The following AGBL1 variants were observed in gnomAD, a reference collection of about 807,000 sequenced individuals.
AGBL1 encodes cytosolic carboxypeptidase 4.
In AGBL1, 130 loss-of-function variants were observed where a neutral mutation model predicts 118.9. The ratio of observed to expected loss-of-function variants is 1.09; its 90% CI spans 0.95 to 1.26. AGBL1 has a LOEUF of 1.26. Ranked by LOEUF, AGBL1 falls within the 50% of genes most tolerant of loss-of-function variation. AGBL1 has a pLI of 0.00. For synonymous variants in AGBL1, 555 were observed against 478.9 expected, an observed-to-expected ratio of 1.16 and a Z score of -2.08; for missense variants, 1,584 against 1,298.1, an observed-to-expected ratio of 1.22 and a Z score of -3.38.
Position 86,198,668 on chromosome 15 carries a change from C to A in AGBL1, c.489-26246C>A, listed in dbSNP as rs537203040. Among the ~76,000 whole-genome samples, 181 of 152,092 alleles carry A rather than the reference C, an allele frequency of 1.2e-3. 1 individual carries two copies. The highest frequency in any genetic ancestry group is 0.01 in the Middle Eastern group (3 of 294). On this transcript the variant is annotated intron_variant, in intron 5 of 22. Transcript: ENST00000614907. ...TCATGAGAAGAGGAAGATTTTCTCT[C>A]TCTCTCTCTCTCTTTCTGTGTGTGT...
chr15:86,440,285 T>G (rs987437352), intron 18 of AGBL1, among the ~76,000 whole-genome samples: 1 of 152,024 alleles, frequency 6.6e-6, no homozygotes, highest in Non-Finnish European at 1.5e-5. Flanking sequence ...TAAAAGAATC[T>G]GCCCAACCAG....
chr15:86,891,894 A>G (rs191890459), intron 22 of AGBL1, among the ~76,000 whole-genome samples: 2 of 152,288 alleles, frequency 1.3e-5, no homozygotes, highest in Admixed American at 6.5e-5. Context: ...AGTTTCATCA[A>G]CTAATTAGGT....
intron 22 of AGBL1, among the ~76,000 whole-genome samples, chr15:86,788,439 A>G (rs1303232061): frequency 6.6e-6 from 1 of 152,188 alleles, no homozygotes; most frequent in East Asian, 1.9e-4. Context: ...TCACTGCAAG[A>G]AAATGTGGTA....
rs548614082 is a variant in AGBL1 at position 86,781,462 on chromosome 15, C to A, written c.3158+107026C>A. On this transcript the variant is annotated intron_variant, in intron 22 of 22. Transcript: ENST00000614907. ...AGTAGCAAACATGAGGCAATGTATT[C>A]TGAGTGCATGACCCATGACAGGTGC... Among the ~76,000 whole-genome samples, 3 of 85,950 alleles carry A rather than the reference C, an allele frequency of 3.5e-5. No individual in the cohort carries two copies. In the East Asian group the frequency reaches 1.2e-3, roughly 33 times the overall value. The allele number at this position is 85,950 out of a possible 152,430, so 56.4% of individuals were successfully genotyped here.
intron 5 of AGBL1, among the ~76,000 whole-genome samples, chr15:86,168,754 A>G (rs2077375894): frequency 1.3e-5 from 2 of 152,318 alleles, no homozygotes; most frequent in South Asian, 4.1e-4. Flanking sequence ...ATGAATGTCC[A>G]TTTAATTGAA....
At chr15:86,104,846 C>T (rs1021220948) in intron 1 of AGBL1, among the ~76,000 whole-genome samples, 3 of 151,970 alleles carry the variant, frequency 2.0e-5, no homozygotes, top group South Asian at 4.2e-4. Flanking sequence ...TGCCAGTGTA[C>T]GATCTCTAGG....
chr15:86,102,253 C>G (rs1896780517), intron 1 of AGBL1, among the ~76,000 whole-genome samples: 1 of 152,116 alleles, frequency 6.6e-6, no homozygotes, highest in African/African-American at 2.4e-5. Context: ...ATTGGCCAGG[C>G]TGATCTCAAA....
At chr15:86,718,264 C>A (rs748603759) in intron 22 of AGBL1, among the ~76,000 whole-genome samples, 1 of 151,976 alleles carries the variant, frequency 6.6e-6, no homozygotes, top group African/African-American at 2.4e-5. Flanking sequence ...TGGAAACAAT[C>A]ATTCTGAGCA....
At chr15:86,726,079 A>G (rs190234040) in intron 22 of AGBL1, among the ~76,000 whole-genome samples, 44 of 152,368 alleles carry the variant, frequency 2.9e-4, no homozygotes, top group Non-Finnish European at 4.3e-4. Flanking sequence ...GTCATAGGAT[A>G]TAATAGTGCT....
intron 22 of AGBL1, among the ~76,000 whole-genome samples, chr15:86,726,208 C>T (rs965938995): frequency 1.3e-5 from 2 of 152,192 alleles, no homozygotes; most frequent in African/African-American, 4.8e-5. Context: ...AGCAAAAAAG[C>T]TCTCAATTAC....
At chr15:86,684,451 G>T (rs867280820) in intron 22 of AGBL1, among the ~76,000 whole-genome samples, 2 of 140,030 alleles carry the variant, frequency 1.4e-5, no homozygotes, top group Non-Finnish European at 1.5e-5. Context: ...TTAGTACCTA[G>T]CATAGTTCTC....
rs759293720 is a variant in AGBL1, at chr15:86,469,222, GC to G, written c.2556-53587del. 4.6e-5 allele frequency among the ~76,000 whole-genome samples: 7 copies of G among 152,248 alleles called. No homozygotes were observed. The East Asian group carries it at 1.2e-3, about 25-fold the overall frequency. On this transcript the variant is annotated intron_variant, in intron 18 of 22. Transcript: ENST00000614907. ...GAAACTTTGTACCATTTGACCAACAGCTTTTTGTCCATTTCCTTTTCCAATT... is the reference window on the plus strand; with the variant it reads ...GAAACTTTGTACCATTTGACCAACAGTTTTTGTCCATTTCCTTTTCCAATT...
At chr15:86,202,333 G>A (rs1473503442) in intron 5 of AGBL1, among the ~76,000 whole-genome samples, 1 of 152,092 alleles carries the variant, frequency 6.6e-6, no homozygotes, top group East Asian at 1.9e-4. Flanking sequence ...GTTAGGCACA[G>A]GAGGAAGGGG....
At chr15:86,247,022 C>G (rs1161980797) in intron 6 of AGBL1, among the ~76,000 whole-genome samples, 1 of 152,142 alleles carries the variant, frequency 6.6e-6, no homozygotes, top group Non-Finnish European at 1.5e-5. Context: ...AAGGTACAGA[C>G]TTTCATATAC....
chr15:86,937,418 G>A (rs1035860186), intron 23 of AGBL1, among the ~76,000 whole-genome samples: 19 of 152,152 alleles, frequency 1.2e-4, no homozygotes, highest in African/African-American at 2.9e-4. Context: ...CTCATCAGTC[G>A]TAGACTGGAT....
intron 18 of AGBL1, among the ~76,000 whole-genome samples, chr15:86,505,019 T>C (rs1163660034): frequency 1.3e-5 from 2 of 151,842 alleles, no homozygotes. Context: ...AAAAAATAGT[T>C]TTGCTAAGTA....
At chr15:86,884,867 A>C (rs2079948075) in intron 22 of AGBL1, among the ~76,000 whole-genome samples, 1 of 152,176 alleles carries the variant, frequency 6.6e-6, no homozygotes, top group African/African-American at 2.4e-5. Flanking sequence ...AATTTATTTA[A>C]AGTGTCTCAC....
At chr15:86,190,456 A>C (rs1299722257) in intron 5 of AGBL1, among the ~76,000 whole-genome samples, 1 of 152,180 alleles carries the variant, frequency 6.6e-6, no homozygotes, top group African/African-American at 2.4e-5. Context: ...ATTTTATGTT[A>C]AAGTAATAAA....
chr15:86,688,040 A>T (rs2086093343), intron 22 of AGBL1, among the ~76,000 whole-genome samples: 1 of 152,196 alleles, frequency 6.6e-6, no homozygotes, highest in African/African-American at 2.4e-5. Flanking sequence ...ACAGGGCATG[A>T]AATGAGAACA....
Sources: allele counts gnomAD v4.1 joint callset (sites outside exome capture counted in the v4.1 genomes callset), GRCh38; gene constraint gnomAD v4.1.1; transcripts MANE v1.5; gene names NCBI Gene and HGNC (gene_info 2026-07-23, HGNC 2026-07-21).